SYNE1: variants seen among roughly 807,000 people sequenced by gnomAD.
SYNE1 encodes the protein nesprin-1.
A neutral mutation model predicts 1,111.0 loss-of-function variants in SYNE1; 616 were observed. The observed-to-expected ratio is 0.55, with a 90% confidence interval of 0.52 to 0.59. The LOEUF is 0.59. Among genes scored for constraint, SYNE1 ranks in the 20% least tolerant of loss-of-function variants. The pLI, the probability that SYNE1 is intolerant of heterozygous loss-of-function variation, is 0.00. For missense variants in SYNE1, 10,006 were observed against 10,417.0 expected, an observed-to-expected ratio of 0.96 and a Z score of 1.72; for synonymous variants, 3,855 against 3,825.8, an observed-to-expected ratio of 1.01 and a Z score of -0.28.
chr6:152,566,116 G>A (rs548832403), intron 3 of SYNE1, among the ~76,000 whole-genome samples: 1 of 152,154 alleles, frequency 6.6e-6, no homozygotes, highest in African/African-American at 2.4e-5. Context: ...GAAAAACAGG[G>A]GAAGAAGAAC....
chr6:152,299,687 CT>C (rs368139635), intron 93 of SYNE1, among the ~76,000 whole-genome samples: 7,569 of 143,260 alleles, frequency 0.053, 193 homozygotes, highest in Non-Finnish European at 0.07. Flanking sequence ...CTTGATGTTC[CT>C]TTTTTTTTTT....
chr6:152,534,849 T>C lies in SYNE1; in HGVS notation c.129+5111A>G, dbSNP rs146804545. 8.5e-5 allele frequency among the ~76,000 whole-genome samples: 13 copies of C among 152,352 alleles called. No individual in the cohort carries two copies. In the East Asian group the frequency reaches 2.5e-3, roughly 29 times the overall value. Reference sequence around the variant, plus strand: ...ATATTTTATGACTATAAAGATGTCATTTAAATTCATGATTAGCATGGATTT... The same window carrying C: ...ATATTTTATGACTATAAAGATGTCACTTAAATTCATGATTAGCATGGATTT... On this transcript the variant is annotated intron_variant, in intron 4 of 145. Transcript: ENST00000367255.
intron 34 of SYNE1, among the ~76,000 whole-genome samples, chr6:152,433,069 A>G (rs940212049): frequency 5.3e-5 from 8 of 151,978 alleles, no homozygotes; most frequent in African/African-American, 1.7e-4. Flanking sequence ...TGAATGAAAT[A>G]GCAGAGGGTT....
intron 3 of SYNE1, among the ~76,000 whole-genome samples, chr6:152,586,107 A>G (rs2099537802): frequency 6.6e-6 from 1 of 152,196 alleles, no homozygotes; most frequent in South Asian, 2.1e-4. Context: ...CTAAATTACT[A>G]TGGTTGGCAA....
rs143313563 is a variant in SYNE1 at position 152,596,221 on chromosome 6, G to T, written c.67+32044C>A. On this transcript the variant is annotated intron_variant, in intron 3 of 145. Transcript: ENST00000367255. ...AATTTTACATTATGAGGTATTTTTT[G>T]ACCATTTTCTTGTTTTAAAAAGTTA... Among the ~76,000 whole-genome samples, 418 of 142,526 alleles carry T rather than the reference G, an allele frequency of 2.9e-3. 3 individuals are homozygous for T. The highest frequency in any genetic ancestry group is 9.9e-3 in the African/African-American group (382 of 38,638). 93.5% of individuals were successfully genotyped at this position (142,526 alleles called of 152,430 possible).
At chr6:152,484,799 A>T in intron 13 of SYNE1, 36 bp downstream of exon 13, 1 of 1,609,182 alleles carries the variant, frequency 6.2e-7, no homozygotes, top group Non-Finnish European at 8.5e-7. Flanking sequence ...TTCTAAATTT[A>T]TTAAGCTCAG....
chr6:152,348,652 T>G (rs1031106716), intron 72 of SYNE1, among the ~76,000 whole-genome samples: 1 of 151,590 alleles, frequency 6.6e-6, no homozygotes, highest in Non-Finnish European at 1.5e-5. Flanking sequence ...ACCATTGCAC[T>G]CCAGCCTGGG....
intron 3 of SYNE1, among the ~76,000 whole-genome samples, chr6:152,567,557 AGAG>A (rs1483413894): frequency 3.3e-5 from 5 of 152,180 alleles, no homozygotes; most frequent in Non-Finnish European, 5.9e-5. Flanking sequence ...CAAAGGCAAC[AGAG>A]AAGAATAAAA....
intron 97 of SYNE1, among the ~76,000 whole-genome samples, chr6:152,279,010 T>C (rs1418329479): frequency 1.3e-5 from 2 of 152,030 alleles, no homozygotes; most frequent in African/African-American, 4.8e-5. Context: ...GCTCAAACAA[T>C]GCTCCCACCT....
intron 3 of SYNE1, among the ~76,000 whole-genome samples, chr6:152,560,287 A>G (rs2099390939): frequency 6.6e-6 from 1 of 152,080 alleles, no homozygotes; most frequent in Non-Finnish European, 1.5e-5. Context: ...AATCGCTTAA[A>G]CCTGGGAGGC....
chr6:152,599,428 A>G (rs145936959), intron 3 of SYNE1, among the ~76,000 whole-genome samples: 1 of 152,210 alleles, frequency 6.6e-6, no homozygotes, highest in East Asian at 1.9e-4. Flanking sequence ...TGGTGACACT[A>G]TCAGATCAAA....
At chr6:152,624,997 GA>G (rs547262614) in intron 3 of SYNE1, among the ~76,000 whole-genome samples, 3 of 151,422 alleles carry the variant, frequency 2.0e-5, no homozygotes, top group Non-Finnish European at 4.4e-5. Flanking sequence ...CAAAAATGGG[GA>G]AAAAAAACCT....
chr6:152,282,471 T>C (rs150001229), intron 96 of SYNE1, among the ~76,000 whole-genome samples: 2 of 152,260 alleles, frequency 1.3e-5, no homozygotes, highest in East Asian at 3.9e-4. Context: ...CAGTGTTAAC[T>C]TTCATCTCCA....
At chr6:152,207,531 T>C (rs777276217) in intron 125 of SYNE1, among the ~76,000 whole-genome samples, 13 of 152,100 alleles carry the variant, frequency 8.5e-5, no homozygotes, top group East Asian at 1.9e-4. Context: ...ATAGGAGATA[T>C]CTCTCTAAGA....
At chr6:152,136,026 A>G (rs1179173733) in intron 141 of SYNE1, among the ~76,000 whole-genome samples, 1 of 152,150 alleles carries the variant, frequency 6.6e-6, no homozygotes, top group African/African-American at 2.4e-5. Flanking sequence ...CATCCTTCCA[A>G]TGTTAGCTCA....
intron 100 of SYNE1, 50 bp from the exon 101 acceptor site, chr6:152,262,238 T>G: frequency 6.5e-7 from 1 of 1,545,270 alleles, no homozygotes; most frequent in Non-Finnish European, 8.9e-7. Context: ...AAAAAAGTGA[T>G]AAGACAGGTA....
chr6:152,549,831 G>A (rs2099331064), intron 3 of SYNE1, among the ~76,000 whole-genome samples: 1 of 152,032 alleles, frequency 6.6e-6, no homozygotes, highest in East Asian at 1.9e-4. Flanking sequence ...AATTGGAGTT[G>A]CATTTCTTTT....
intron 63 of SYNE1, chr6:152,363,864 G>C: frequency 4.6e-6 from 2 of 430,378 alleles, no homozygotes; most frequent in Non-Finnish European, 9.3e-6. Context: ...GATAACTGGG[G>C]CTCACACTGT....
rs1224737409 is a variant in SYNE1 at position 152,391,581 on chromosome 6, A to G, written c.7713-13T>C. The G allele has an allele frequency of 3.4e-6, 2 of 585,006 alleles. No individual in the cohort carries two copies. The highest frequency in any genetic ancestry group is 2.4e-6 in the Non-Finnish European group (1 of 420,970). The allele number at this position is 585,006 out of a possible 1,614,324, so 36.2% of individuals were successfully genotyped here. A position where few individuals can be genotyped will look rare whatever the true frequency, so the allele number is the denominator to read the frequency against. On this transcript the variant is annotated splice_polypyrimidine_tract_variant and intron_variant, in intron 51 of 145. Transcript: ENST00000367255. ...ATCAAGAGACTCTCTGAAAAAAAGGAAAAAAAAAAAAAAGAAAAAAAATTA... is the reference window on the plus strand; with the variant it reads ...ATCAAGAGACTCTCTGAAAAAAAGGGAAAAAAAAAAAAAGAAAAAAAATTA...
Sources: allele counts gnomAD v4.1 joint callset (sites outside exome capture counted in the v4.1 genomes callset), GRCh38; gene constraint gnomAD v4.1.1; transcripts MANE v1.5; gene names NCBI Gene and HGNC (gene_info 2026-07-23, HGNC 2026-07-21).